GALNT13: variants seen among roughly 807,000 people sequenced by gnomAD.
GALNT13 encodes the protein polypeptide N-acetylgalactosaminyltransferase 13, also known as UDP-GalNAc:polypeptide N-acetylgalactosaminyltransferase 13.
GALNT13 carries 28 observed loss-of-function variants against 64.2 expected under a neutral mutation model. The ratio of observed to expected loss-of-function variants is 0.44; its 90% CI spans 0.32 to 0.60. GALNT13 has a LOEUF of 0.60. Ranked by LOEUF, GALNT13 falls within the 20% of genes least tolerant of loss-of-function variation. GALNT13 has a pLI of 0.05. For missense variants in GALNT13, 577 were observed against 669.8 expected, an observed-to-expected ratio of 0.86 and a Z score of 1.53; for synonymous variants, 214 against 224.6, an observed-to-expected ratio of 0.95 and a Z score of 0.42.
chr2:153,729,538 C>T, the GALNT13 span, among the ~76,000 whole-genome samples: 5 of 151,956 alleles, frequency 3.3e-5, no homozygotes, highest in Admixed American at 3.3e-4. Flanking sequence ...GTATTTATAT[C>T]TGTAATCCCT....
rs572766224 is a variant in GALNT13 at position 154,402,994 on chromosome 2, T to C, written c.1297-5990T>C. On this transcript the variant is annotated intron_variant, in intron 10 of 12. Transcript: ENST00000392825. Reference sequence around the variant, plus strand: ...CATGTTAAGATTTGTTTGTTAAGAATTGTTAGAAAACACCAGTGACCATTT... The same window carrying C: ...CATGTTAAGATTTGTTTGTTAAGAACTGTTAGAAAACACCAGTGACCATTT... 3.3e-5 allele frequency among the ~76,000 whole-genome samples: 5 copies of C among 152,306 alleles called. No homozygotes were observed. The South Asian group carries it at 1.0e-3, about 32-fold the overall frequency.
At chr2:153,330,624 T>TA in the GALNT13 span, among the ~76,000 whole-genome samples, 2 of 151,266 alleles carry the variant, frequency 1.3e-5, no homozygotes, top group Admixed American at 6.6e-5. Context: ...TTTTTTTTTT[T>TA]ATCCTGCAAC....
chr2:154,218,040 A>G (rs1384008315), intron 4 of GALNT13, among the ~76,000 whole-genome samples: 1 of 152,130 alleles, frequency 6.6e-6, no homozygotes, highest in Non-Finnish European at 1.5e-5. Flanking sequence ...TTCAGTTTCC[A>G]GGAGACCAAT....
intron 3 of GALNT13, among the ~76,000 whole-genome samples, chr2:154,068,432 A>G (rs993574523): frequency 1.3e-5 from 2 of 152,016 alleles, no homozygotes; most frequent in South Asian, 2.1e-4. Flanking sequence ...TTGCAACACT[A>G]TTCACAACAG....
At chr2:153,085,759 C>T in the GALNT13 span, among the ~76,000 whole-genome samples, 3 of 152,128 alleles carry the variant, frequency 2.0e-5, no homozygotes, top group Non-Finnish European at 4.4e-5. Flanking sequence ...GTTGGAGCCC[C>T]CACATTGAGT....
intron 3 of GALNT13, among the ~76,000 whole-genome samples, chr2:154,051,395 A>T (rs376900512): frequency 7.0e-6 from 1 of 142,016 alleles, no homozygotes; most frequent in Non-Finnish European, 1.5e-5. Flanking sequence ...GGTTCACGCC[A>T]TTCTCCTGCC....
At chr2:154,217,771 G>A (rs930449457) in intron 4 of GALNT13, among the ~76,000 whole-genome samples, 3 of 152,140 alleles carry the variant, frequency 2.0e-5, no homozygotes, top group Non-Finnish European at 4.4e-5. Flanking sequence ...CTGCATGGAA[G>A]TATATAAAGT....
the GALNT13 span, among the ~76,000 whole-genome samples, chr2:153,695,108 G>A: frequency 6.6e-6 from 1 of 152,134 alleles, no homozygotes; most frequent in South Asian, 2.1e-4. Context: ...GTCTTCTAAT[G>A]ACAAGTTATA....
chr2:153,710,982 TG>T, the GALNT13 span, among the ~76,000 whole-genome samples: 3 of 152,120 alleles, frequency 2.0e-5, no homozygotes, highest in Non-Finnish European at 2.9e-5. Flanking sequence ...ATAGATTTGA[TG>T]TTTTTAAAAA....
At chr2:153,937,964 A>G (rs745708563) in intron 2 of GALNT13, among the ~76,000 whole-genome samples, 42 of 152,222 alleles carry the variant, frequency 2.8e-4, no homozygotes, top group Admixed American at 1.8e-3. Context: ...GTATAGACAT[A>G]TGTAATTATT....
chr2:153,173,592 A>T, the GALNT13 span, among the ~76,000 whole-genome samples: 41 of 151,888 alleles, frequency 2.7e-4, no homozygotes, highest in African/African-American at 9.9e-4. Flanking sequence ...TTACATTCTG[A>T]GGTACTAGGG....
chr2:153,864,663 T>C, the GALNT13 span, among the ~76,000 whole-genome samples: 2 of 151,934 alleles, frequency 1.3e-5, no homozygotes, highest in African/African-American at 2.4e-5. Flanking sequence ...TAAAAGAGGA[T>C]ACAAACAAAT....
At chr2:153,339,159 G>T in the GALNT13 span, among the ~76,000 whole-genome samples, 1 of 152,154 alleles carries the variant, frequency 6.6e-6, no homozygotes, top group African/African-American at 2.4e-5. Context: ...TTGGTGGGTT[G>T]TGTAGTTCTA....
the GALNT13 span, among the ~76,000 whole-genome samples, chr2:153,156,830 T>C: frequency 6.6e-6 from 1 of 152,114 alleles, no homozygotes; most frequent in Non-Finnish European, 1.5e-5. Context: ...TGCATGGAGG[T>C]AAAGACTTTT....
intron 3 of GALNT13, among the ~76,000 whole-genome samples, chr2:154,022,275 A>G (rs1361057093): frequency 6.6e-6 from 1 of 152,152 alleles, no homozygotes; most frequent in Non-Finnish European, 1.5e-5. Flanking sequence ...TTCAGAAGGA[A>G]TGGTACCAGC....
At chr2:154,013,944 C>A (rs1211651993) in intron 3 of GALNT13, among the ~76,000 whole-genome samples, 1 of 152,110 alleles carries the variant, frequency 6.6e-6, no homozygotes, top group Non-Finnish European at 1.5e-5. Flanking sequence ...GGACTGCCAG[C>A]GAAGAAGCTA....
At chr2:153,980,408 AC>A (rs1422010335) in intron 3 of GALNT13, among the ~76,000 whole-genome samples, 1 of 152,160 alleles carries the variant, frequency 6.6e-6, no homozygotes, top group Admixed American at 6.5e-5. Context: ...TTGGAAATGT[AC>A]ATAATGGTAG....
the GALNT13 span, among the ~76,000 whole-genome samples, chr2:153,074,711 G>T: frequency 6.6e-6 from 1 of 152,108 alleles, no homozygotes; most frequent in African/African-American, 2.4e-5. Flanking sequence ...GACTATATTT[G>T]ATGTGTTTCA....
At chr2:153,948,496 C>T (rs1158627908) in intron 3 of GALNT13, among the ~76,000 whole-genome samples, 1 of 152,012 alleles carries the variant, frequency 6.6e-6, no homozygotes, top group Admixed American at 6.6e-5. Context: ...ACCCAGCAAT[C>T]CCATTATTGT....
Sources: allele counts gnomAD v4.1 joint callset (sites outside exome capture counted in the v4.1 genomes callset), GRCh38; gene constraint gnomAD v4.1.1; transcripts MANE v1.5; gene names NCBI Gene and HGNC (gene_info 2026-07-23, HGNC 2026-07-21).